MECOM: variants seen among roughly 807,000 people sequenced by gnomAD.
The protein encoded by MECOM is histone-lysine N-methyltransferase MECOM.
A neutral mutation model predicts 116.3 loss-of-function variants in MECOM; 13 were observed. That is an observed-to-expected ratio of 0.11 (90% CI 0.07 to 0.18). The LOEUF (loss-of-function observed/expected upper bound fraction) is 0.18. Ranked by LOEUF, MECOM falls within the 10% of genes least tolerant of loss-of-function variation. MECOM has a pLI of 1.00. For missense variants in MECOM, 1,299 were observed against 1,509.0 expected (o/e 0.86, Z 2.31); for synonymous variants, 528 against 535.2 (o/e 0.99, Z 0.19).
chr3:169,352,656 C>A (rs746994590), intron 2 of MECOM, among the ~76,000 whole-genome samples: 1 of 151,722 alleles, frequency 6.6e-6, no homozygotes, highest in African/African-American at 2.4e-5. Context: ...GTGAAATAAT[C>A]ATAAACATCA....
chr3:169,229,217 C>T (rs913798835), intron 2 of MECOM, among the ~76,000 whole-genome samples: 2 of 152,108 alleles, frequency 1.3e-5, no homozygotes, highest in Non-Finnish European at 2.9e-5. Context: ...TGAAGAGATT[C>T]CTTAGGCCTG....
intron 2 of MECOM, among the ~76,000 whole-genome samples, chr3:169,377,100 G>A (rs550898415): frequency 1.3e-5 from 2 of 152,274 alleles, no homozygotes; most frequent in African/African-American, 2.4e-5. Flanking sequence ...TTTAATAAAC[G>A]GTGTTGGGAA....
At chr3:169,264,167 A>T (rs1211044099) in intron 2 of MECOM, among the ~76,000 whole-genome samples, 2 of 152,296 alleles carry the variant, frequency 1.3e-5, no homozygotes, top group East Asian at 1.9e-4. Flanking sequence ...TCCTGGGGGA[A>T]AATTGAACCT....
chr3:169,455,423 C>A (rs1746310851), intron 1 of MECOM, among the ~76,000 whole-genome samples: 1 of 152,078 alleles, frequency 6.6e-6, no homozygotes, highest in African/African-American at 2.4e-5. Context: ...GGTGATGGCA[C>A]CTGAATCAAG....
intron 1 of MECOM, among the ~76,000 whole-genome samples, chr3:169,573,005 C>A (rs1278602438): frequency 6.6e-6 from 1 of 152,136 alleles, no homozygotes; most frequent in African/African-American, 2.4e-5. Context: ...ACATACACAG[C>A]CATTTTCAGC....
At chr3:169,261,577 T>C (rs544646218) in intron 2 of MECOM, among the ~76,000 whole-genome samples, 1 of 152,196 alleles carries the variant, frequency 6.6e-6, no homozygotes, top group East Asian at 1.9e-4. Context: ...GGCGGGCACC[T>C]GTAATCCCAG....
At chr3:169,431,368 G>A (rs535993798) in intron 1 of MECOM, among the ~76,000 whole-genome samples, 6 of 152,198 alleles carry the variant, frequency 3.9e-5, no homozygotes, top group Non-Finnish European at 8.8e-5. Context: ...ACCTTGCATA[G>A]ATGTCCTGAT....
chr3:169,342,303 G>T (rs1724681533), intron 2 of MECOM, among the ~76,000 whole-genome samples: 2 of 151,664 alleles, frequency 1.3e-5, no homozygotes, highest in African/African-American at 4.8e-5. Context: ...TTATATTTGG[G>T]ATTTTTGAAT....
intron 1 of MECOM, among the ~76,000 whole-genome samples, chr3:169,548,709 T>C (rs945500841): frequency 1.3e-5 from 2 of 152,198 alleles, no homozygotes; most frequent in African/African-American, 4.8e-5. Flanking sequence ...TAGATGTCCC[T>C]GCTTGCTGGA....
intron 2 of MECOM, among the ~76,000 whole-genome samples, chr3:169,348,200 G>A (rs544227443): frequency 6.6e-6 from 1 of 152,246 alleles, no homozygotes; most frequent in East Asian, 1.9e-4. Context: ...TTCTGTCTGT[G>A]TGTGCACACA....
chr3:169,369,959 T>C (rs897023248), intron 2 of MECOM, among the ~76,000 whole-genome samples: 12 of 151,986 alleles, frequency 7.9e-5, no homozygotes, highest in Admixed American at 6.6e-4. Context: ...TCCTCCTCAT[T>C]TTAAAACCAT....
chr3:169,582,379 C>G (rs1420921992), intron 1 of MECOM, among the ~76,000 whole-genome samples: 1 of 151,344 alleles, frequency 6.6e-6, no homozygotes, highest in Admixed American at 6.6e-5. Context: ...GATTGGGGTC[C>G]AAAAACACAA....
At chr3:169,105,580 C>T (rs1185033281) in intron 10 of MECOM, among the ~76,000 whole-genome samples, 2 of 151,834 alleles carry the variant, frequency 1.3e-5, no homozygotes, top group East Asian at 3.9e-4. Flanking sequence ...AAGAAATTTG[C>T]TGAGAATGGG....
rs571086361 is a variant in MECOM, at chr3:169,658,011, T to A, written c.37+5325A>T. ...GATCGATTTGTCTGTCTCCTCTTTA[T>A]CCTCTTCCTTACACTTGTTCTCACT... On this transcript the variant is annotated intron_variant, in intron 1 of 16. Transcript: ENST00000651503. Among the ~76,000 whole-genome samples the A allele has an allele frequency of 6.6e-5, 10 of 152,330 alleles. No individual in the cohort carries two copies. In the South Asian group the frequency reaches 1.2e-3, roughly 19 times the overall value.
intron 2 of MECOM, chr3:169,145,163 C>T (rs1418950328): frequency 1.9e-5 from 9 of 484,350 alleles, no homozygotes; most frequent in Non-Finnish European, 3.1e-5. Context: ...CACACACACA[C>T]ACACACACAC....
At chr3:169,311,639 G>A (rs1718782416) in intron 2 of MECOM, among the ~76,000 whole-genome samples, 1 of 151,712 alleles carries the variant, frequency 6.6e-6, no homozygotes, top group Admixed American at 6.6e-5. Flanking sequence ...TTTTGATCAA[G>A]TCAAAAGCCT....
chr3:169,276,585 A>G (rs1437396554), intron 2 of MECOM, among the ~76,000 whole-genome samples: 2 of 150,750 alleles, frequency 1.3e-5, no homozygotes, highest in Admixed American at 1.3e-4. Context: ...AGTCTACAAC[A>G]TGACATATGA....
chr3:169,086,335 T>G (rs1170874164), intron 16 of MECOM, among the ~76,000 whole-genome samples: 1 of 152,178 alleles, frequency 6.6e-6, no homozygotes, highest in African/African-American at 2.4e-5. Context: ...AAGTATGGGT[T>G]AAGTGAGCAT....
intron 1 of MECOM, among the ~76,000 whole-genome samples, chr3:169,562,139 C>CAAAAAAAAAAAAAAAAA (rs10714325): frequency 4.0e-5 from 1 of 25,282 alleles, no homozygotes; most frequent in African/African-American, 1.4e-4. Context: ...GAGCAATACT[C>CAAAAAAAAAAAAAAAAA]AAAAAAAAAA....
Sources: allele counts gnomAD v4.1 joint callset (sites outside exome capture counted in the v4.1 genomes callset), GRCh38; gene constraint gnomAD v4.1.1; transcripts MANE v1.5; gene names NCBI Gene and HGNC (gene_info 2026-07-23, HGNC 2026-07-21).